Variants in COL4A1 observed in about 807,000 individuals in gnomAD.
The protein encoded by COL4A1 is collagen alpha-1(IV) chain.
In COL4A1, 40 loss-of-function variants were observed where a neutral mutation model predicts 216.6. The observed-to-expected ratio is 0.18, with a 90% confidence interval of 0.14 to 0.24. COL4A1 has a LOEUF of 0.24. COL4A1 is among the 10% of genes least tolerant of loss of function. The probability of loss-of-function intolerance (pLI) is 1.00; values close to 1 mark genes in which losing one functional copy is unlikely to be tolerated. For synonymous variants in COL4A1, 839 were observed against 810.7 expected (o/e 1.03, Z -0.59); for missense variants, 1,628 against 2,196.8 (o/e 0.74, Z 5.18).
intron 1 of COL4A1, among the ~76,000 whole-genome samples, chr13:110,301,572 A>C (rs1297293405): frequency 1.3e-5 from 2 of 152,230 alleles, no homozygotes; most frequent in South Asian, 2.1e-4. Context: ...ATTGCAATTT[A>C]GGCTGGATTT....
chr13:110,303,871 G>A (rs577289887), intron 1 of COL4A1, among the ~76,000 whole-genome samples: 43 of 152,204 alleles, frequency 2.8e-4, no homozygotes, highest in Admixed American at 4.6e-4. Flanking sequence ...ATGTGTGTGT[G>A]GAATGAAGGA....
chr13:110,166,350 A>G (rs1390315015), intron 44 of COL4A1, 47 bp from the exon 45 acceptor site: 1 of 1,167,854 alleles, frequency 8.6e-7, no homozygotes, highest in South Asian at 1.2e-5. Context: ...TCCCAATGAT[A>G]TACAAATATG....
intron 45 of COL4A1, among the ~76,000 whole-genome samples, chr13:110,165,937 T>C (rs575217314): frequency 6.6e-6 from 1 of 152,244 alleles, no homozygotes; most frequent in South Asian, 2.1e-4. Flanking sequence ...CAGGCTAACT[T>C]GAGAGCCTTG....
intron 1 of COL4A1, among the ~76,000 whole-genome samples, chr13:110,306,672 C>A (rs1273491946): frequency 6.6e-6 from 1 of 152,240 alleles, no homozygotes; most frequent in African/African-American, 2.4e-5. Context: ...GGCACCCTCA[C>A]CCCGCCACAG....
At chr13:110,237,237 C>T (rs932931168) in intron 2 of COL4A1, among the ~76,000 whole-genome samples, 5 of 152,138 alleles carry the variant, frequency 3.3e-5, no homozygotes, top group African/African-American at 9.7e-5. Flanking sequence ...TCAGCTGGCC[C>T]GACTCCCTCA....
Position 110,174,466 on chromosome 13 carries a change from G to A in COL4A1, c.3386C>T (p.Pro1129Leu). 2 of 1,614,066 alleles carry A rather than the reference G, an allele frequency of 1.2e-6. No individual in the cohort carries two copies. Among genetic ancestry groups the A allele is most frequent in the Non-Finnish European group, 1.7e-6 (2 of 1,180,024 alleles). Residue 1129 changes from proline to leucine, a missense_variant, in exon 39 of 52, where the codon CCT becomes CTT. Pro to Leu is a moderately conservative substitution (Grantham distance 98, BLOSUM62 -3). Coordinates refer to ENST00000375820, the MANE Select transcript of COL4A1 (RefSeq NM_001845.6). ...DKGLPGLDGIPGVKGEAGLPG... is the reference protein window; with the variant it reads ...DKGLPGLDGILGVKGEAGLPG... The stretch of plus-strand genomic sequence containing the variant: ...TCTACCTGCTTCTCCTTTGACACCA[G>A]GGATGCCATCCAATCCTGGGAGGCC...
chr13:110,245,499 G>A (rs1045872352), intron 1 of COL4A1, among the ~76,000 whole-genome samples: 10 of 152,322 alleles, frequency 6.6e-5, no homozygotes, highest in South Asian at 6.2e-4. Context: ...CTGAAGTAGT[G>A]TGGATTTTCG....
At chr13:110,273,868 C>T (rs910176857) in intron 1 of COL4A1, among the ~76,000 whole-genome samples, 3 of 152,194 alleles carry the variant, frequency 2.0e-5, no homozygotes, top group South Asian at 4.2e-4. Context: ...AAGAGCATTA[C>T]AACTGAGACA....
chr13:110,175,134 G>T, intron 37 of COL4A1, 84 bp downstream of exon 37: 1 of 1,537,026 alleles, frequency 6.5e-7, no homozygotes, highest in Non-Finnish European at 9.0e-7. Context: ...CATTGAGTGT[G>T]CTGAGATATT....
At chr13:110,170,053 A>AAGGAGGGGAGGG (rs1175739618) in intron 42 of COL4A1, among the ~76,000 whole-genome samples, 1 of 126,166 alleles carries the variant, frequency 7.9e-6, no homozygotes, top group Non-Finnish European at 1.7e-5. Flanking sequence ...AGGAGGGAGG[A>AAGGAGGGGAGGG]AGGAGGGGAG....
At chr13:110,256,328 A>C (rs1427230120) in intron 1 of COL4A1, among the ~76,000 whole-genome samples, 1 of 152,172 alleles carries the variant, frequency 6.6e-6, no homozygotes, top group African/African-American at 2.4e-5. Context: ...ACAAACCTAC[A>C]AGATGCTGGA....
chr13:110,152,619 C>T, intron 50 of COL4A1, 113 bp from the exon 51 acceptor site: 2 of 1,234,798 alleles, frequency 1.6e-6, no homozygotes, highest in Admixed American at 2.0e-5. Context: ...CCACACACTG[C>T]AGCCTCATGT....
chr13:110,213,933 C>T lies in COL4A1; in HGVS notation c.227G>A (p.Gly76Glu), dbSNP rs775754972. The change falls in exon 3 of 52, where the codon GGA becomes GAA. Residue 76 changes from glycine (G) to glutamate (E), a missense_variant. By Grantham distance (98) the Gly-to-Glu change is moderately conservative. Around this residue, in one of 8 missense-constraint regions of COL4A1, gnomAD observed 150 missense variants for 211.9 expected, o/e 0.71. Coordinates refer to ENST00000375820, the MANE Select transcript of COL4A1 (RefSeq NM_001845.6). ...TCCCACAGCCGTGCTTACCTTTTGT[C>T]CTGGTGGTCCCTGTGGCCCCTCAGG... Reference protein sequence around the residue: ...QGPEGPQGPPGQKGDTGEPGL... With the variant: ...QGPEGPQGPPEQKGDTGEPGL... 1 of 1,614,068 alleles carries T rather than the reference C, an allele frequency of 6.2e-7. No homozygotes were observed. Among genetic ancestry groups the T allele is most frequent in the Non-Finnish European group, 8.5e-7 (1 of 1,180,012 alleles).
At chr13:110,219,901 T>C (rs894047658) in intron 2 of COL4A1, among the ~76,000 whole-genome samples, 1 of 141,446 alleles carries the variant, frequency 7.1e-6, no homozygotes, top group South Asian at 2.1e-4. Context: ...TGTATATATA[T>C]GTATATATAT....
chr13:110,237,642 C>A (rs1375870721), intron 2 of COL4A1, among the ~76,000 whole-genome samples: 1 of 152,200 alleles, frequency 6.6e-6, no homozygotes, highest in Admixed American at 6.5e-5. Flanking sequence ...ATACTCGGCC[C>A]CAGGCCTGGC....
In COL4A1 at chr13:110,205,389, G is replaced by A. The variant is rs138809869; in HGVS notation, c.921C>T (p.Pro307=). ...GGCGGCCTATGAGTCCTGGGTACCC[G>A]GGTTCACCAGGAAAACCCTGAAACC... is the stretch of plus-strand genomic sequence containing the variant. ...EKGSPGFPGE[P]GYPGLIGRQG... is the part of the protein sequence containing the mutation. The change falls in exon 17 of 52, where the codon CCC becomes CCT. Residue 307 remains proline (P), a synonymous_variant. Coordinates refer to ENST00000375820, the MANE Select transcript of COL4A1 (RefSeq NM_001845.6). 5.6e-6 allele frequency: 9 copies of A among 1,613,898 alleles called. No homozygotes were observed. The highest frequency in any genetic ancestry group is 7.6e-6 in the Non-Finnish European group (9 of 1,180,012).
intron 1 of COL4A1, among the ~76,000 whole-genome samples, chr13:110,294,829 A>G (rs961334739): frequency 2.6e-5 from 4 of 152,198 alleles, no homozygotes; most frequent in African/African-American, 4.8e-5. Flanking sequence ...GAGGGCAGCA[A>G]TTCTTTTCTG....
intron 8 of COL4A1, among the ~76,000 whole-genome samples, chr13:110,210,605 T>C (rs1375049760): frequency 2.0e-5 from 3 of 152,218 alleles, no homozygotes; most frequent in Non-Finnish European, 4.4e-5. Context: ...ATGAATACTT[T>C]TATAAAAGCA....
chr13:110,218,586 T>C (rs1275567453), intron 2 of COL4A1, among the ~76,000 whole-genome samples: 2 of 152,194 alleles, frequency 1.3e-5, no homozygotes, highest in East Asian at 1.9e-4. Context: ...AACTAGCCAA[T>C]TGCATAACAT....
Sources: gnomAD v4.1 joint callset for allele counts (sites outside exome capture counted in the v4.1 genomes callset) on GRCh38, gnomAD v4.1.1 for gene constraint, gnomAD v4.1.1 regional missense constraint, MANE v1.5 for transcripts, NCBI Gene and HGNC (gene_info 2026-07-23, HGNC 2026-07-21) for gene names.